Variants in PVT1 observed in about 807,000 individuals in gnomAD.
The protein encoded by PVT1 is Pvt1 oncogene.
intron 4 of PVT1, among the ~76,000 whole-genome samples, chr8:128,068,282 T>C (rs935939107): frequency 5.9e-5 from 9 of 152,072 alleles, no homozygotes. Flanking sequence ...TCCACCGCTC[T>C]ACCCTTCAGG....
chr8:127,933,844 G>C (rs58622147), intron 3 of PVT1, among the ~76,000 whole-genome samples: 3,966 of 152,300 alleles, frequency 0.026, 71 homozygotes, highest in African/African-American at 0.045. Context: ...AGGAAAGTTT[G>C]AACAGTTTCT....
chr8:127,874,903 GGTGTGTGTGTGTGTGT>G (rs112419227), intron 2 of PVT1, among the ~76,000 whole-genome samples: 1 of 145,706 alleles, frequency 6.9e-6, no homozygotes, highest in Non-Finnish European at 1.5e-5. Context: ...TTGGCCTCCA[GGTGTGTGTGTGTGTGT>G]GTGTGTGTGT....
chr8:128,075,981 C>T (rs974130062), intron 5 of PVT1, among the ~76,000 whole-genome samples: 1 of 152,188 alleles, frequency 6.6e-6, no homozygotes, highest in Non-Finnish European at 1.5e-5. Flanking sequence ...TTATATCAAA[C>T]CAGTAGACAG....
chr8:127,949,846 C>T (rs1816483918), intron 3 of PVT1, among the ~76,000 whole-genome samples: 1 of 152,210 alleles, frequency 6.6e-6, no homozygotes, highest in African/African-American at 2.4e-5. Flanking sequence ...ACGGTAAAAA[C>T]GCATCACCCT....
chr8:127,939,559 C>G (rs2278176), intron 3 of PVT1: 2 of 152,080 alleles, frequency 1.3e-5, no homozygotes, highest in Non-Finnish European at 2.9e-5. Context: ...GACCTTGGCA[C>G]ATACAGCCAT....
intron 2 of PVT1, among the ~76,000 whole-genome samples, chr8:127,874,824 C>T (rs771259103): frequency 6.6e-6 from 1 of 152,164 alleles, no homozygotes; most frequent in Non-Finnish European, 1.5e-5. Context: ...CCCTTCCCAC[C>T]TGCAGGAAGC....
intron 3 of PVT1, among the ~76,000 whole-genome samples, chr8:127,904,127 A>G (rs1815792024): frequency 6.6e-6 from 1 of 152,146 alleles, no homozygotes; most frequent in Non-Finnish European, 1.5e-5. Context: ...GTCCTTGTAG[A>G]GATCTTTCAC....
chr8:127,941,215 T>C (rs1314903751), intron 3 of PVT1, among the ~76,000 whole-genome samples: 1 of 152,242 alleles, frequency 6.6e-6, no homozygotes, highest in African/African-American at 2.4e-5. Context: ...TTTTCACCTC[T>C]GTGATCTCAG....
intron 3 of PVT1, among the ~76,000 whole-genome samples, chr8:127,914,854 G>A (rs1003210382): frequency 8.8e-6 from 1 of 113,686 alleles, no homozygotes; most frequent in Non-Finnish European, 1.8e-5. Flanking sequence ...TTTCCCTCTT[G>A]TTTCCCAGGC....
At chr8:127,957,039 T>C (rs763561700) in intron 3 of PVT1, among the ~76,000 whole-genome samples, 1 of 152,214 alleles carries the variant, frequency 6.6e-6, no homozygotes, top group Non-Finnish European at 1.5e-5. Context: ...GCTTGCATGG[T>C]GGTTTAATGC....
At chr8:128,052,348 C>T (rs1309308957) in intron 4 of PVT1, among the ~76,000 whole-genome samples, 1 of 152,178 alleles carries the variant, frequency 6.6e-6, no homozygotes. Context: ...CCTTCCTCCA[C>T]ATGAAGGGTT....
intron 2 of PVT1, among the ~76,000 whole-genome samples, chr8:127,798,100 C>G (rs1281764949): frequency 2.0e-5 from 3 of 151,888 alleles, no homozygotes; most frequent in Non-Finnish European, 4.4e-5. Flanking sequence ...GTCAGGAGTT[C>G]GAGACCAGCC....
At chr8:128,012,475 G>C (rs1383007441) in intron 4 of PVT1, among the ~76,000 whole-genome samples, 1 of 152,188 alleles carries the variant, frequency 6.6e-6, no homozygotes, top group Non-Finnish European at 1.5e-5. Flanking sequence ...TTCAAGAGTT[G>C]AGTGAGTTTA....
At chr8:127,857,565 A>G (rs990151702) in intron 2 of PVT1, among the ~76,000 whole-genome samples, 2 of 152,132 alleles carry the variant, frequency 1.3e-5, no homozygotes, top group Non-Finnish European at 1.5e-5. Flanking sequence ...CCAGCTACTC[A>G]GTAGGTGAAA....
chr8:127,875,856 C>A (rs1815399052), intron 2 of PVT1, among the ~76,000 whole-genome samples: 1 of 152,206 alleles, frequency 6.6e-6, no homozygotes, highest in Non-Finnish European at 1.5e-5. Context: ...GTCGTGGGCT[C>A]CTTCTTCTCC....
chr8:128,083,526 A>G (rs1378274418), intron 5 of PVT1, among the ~76,000 whole-genome samples: 1 of 152,240 alleles, frequency 6.6e-6, no homozygotes, highest in Non-Finnish European at 1.5e-5. Context: ...CTTGCAAAGG[A>G]GAGGCTGTGA....
At chr8:127,910,721 G>A (rs536153325) in intron 3 of PVT1, among the ~76,000 whole-genome samples, 6 of 152,096 alleles carry the variant, frequency 3.9e-5, no homozygotes, top group Non-Finnish European at 8.8e-5. Flanking sequence ...TAGGAGGATG[G>A]TGCTATAATT....
chr8:127,988,330 C>T (rs1180034755), intron 3 of PVT1, among the ~76,000 whole-genome samples: 1 of 152,016 alleles, frequency 6.6e-6, no homozygotes, highest in Non-Finnish European at 1.5e-5. Context: ...GGTGGGGGGG[C>T]CTGAAAAGGG....
At chr8:127,945,976 T>C (rs1371805954) in intron 3 of PVT1, among the ~76,000 whole-genome samples, 1 of 152,158 alleles carries the variant, frequency 6.6e-6, no homozygotes, top group African/African-American at 2.4e-5. Flanking sequence ...CCAGCCTCGC[T>C]GCGGGTTGGA....
Sources: allele counts gnomAD v4.1 joint callset (sites outside exome capture counted in the v4.1 genomes callset), GRCh38; gene constraint gnomAD v4.1.1; transcripts MANE v1.5; gene names NCBI Gene and HGNC (gene_info 2026-07-23, HGNC 2026-07-21).